The following FSTL4 variants were observed in gnomAD, a reference collection of about 807,000 sequenced individuals.
FSTL4 encodes follistatin-related protein 4.
Under a neutral mutation model 78.2 loss-of-function variants are expected in FSTL4, and 28 were observed. The ratio of observed to expected loss-of-function variants is 0.36; its 90% CI spans 0.27 to 0.49. The LOEUF (loss-of-function observed/expected upper bound fraction) is 0.49. Ranked by LOEUF, FSTL4 falls within the 20% of genes least tolerant of loss-of-function variation. FSTL4 has a pLI of 0.98. For missense variants in FSTL4, 922 were observed against 1,084.9 expected, an observed-to-expected ratio of 0.85 and a Z score of 2.11; for synonymous variants, 422 against 440.5, an observed-to-expected ratio of 0.96 and a Z score of 0.53.
intron 2 of FSTL4, among the ~76,000 whole-genome samples, chr5:133,582,256 C>T (rs1053602339): frequency 6.6e-6 from 1 of 152,140 alleles, no homozygotes; most frequent in Non-Finnish European, 1.5e-5. Context: ...GCTTGCAGTG[C>T]ACGAGACACA....
At chr5:133,610,741 T>G (rs1761072539) in intron 1 of FSTL4, among the ~76,000 whole-genome samples, 1 of 152,218 alleles carries the variant, frequency 6.6e-6, no homozygotes. Flanking sequence ...AACTGGCGCC[T>G]GGCTCCCAGG....
chr5:133,348,016 T>C (rs773935643), intron 4 of FSTL4, among the ~76,000 whole-genome samples: 1 of 152,184 alleles, frequency 6.6e-6, no homozygotes, highest in Non-Finnish European at 1.5e-5. Context: ...GAGGATAGTA[T>C]TTCAGAATGA....
chr5:133,645,324 A>G, the FSTL4 span, among the ~76,000 whole-genome samples: 24 of 152,224 alleles, frequency 1.6e-4, no homozygotes, highest in Admixed American at 8.5e-4. Flanking sequence ...AGAGGTGTGC[A>G]TGGTTCTAGG....
rs1580807102 is a variant in FSTL4 at position 133,589,212 on chromosome 5, A to G, written c.126+14646T>C. Among the ~76,000 whole-genome samples the G allele has an allele frequency of 4.5e-5, 3 of 67,058 alleles. No homozygotes were observed. In the Admixed American group the frequency reaches 4.7e-4, roughly 10 times the overall value. The allele number at this position is 67,058 out of a possible 152,430, so 44.0% of individuals were successfully genotyped here. ...GATGACACGTTAGTGGGTGCAGCGC[A>G]CCAGCATGGCACATGTATACATATG... On this transcript the variant is annotated intron_variant, in intron 2 of 15. Coordinates refer to ENST00000265342, the MANE Select transcript of FSTL4 (RefSeq NM_015082.2).
intron 4 of FSTL4, among the ~76,000 whole-genome samples, chr5:133,382,685 A>C (rs962341446): frequency 1.3e-5 from 2 of 152,182 alleles, no homozygotes; most frequent in African/African-American, 4.8e-5. Flanking sequence ...GTGATCATCT[A>C]TTTCAGACTG....
the FSTL4 span, among the ~76,000 whole-genome samples, chr5:133,731,049 G>A: frequency 6.6e-6 from 1 of 152,134 alleles, no homozygotes; most frequent in Non-Finnish European, 1.5e-5. Context: ...TCTGTATGTG[G>A]GGCAGGCAGA....
intron 15 of FSTL4, among the ~76,000 whole-genome samples, chr5:133,200,787 A>C (rs1361739165): frequency 6.6e-6 from 1 of 152,206 alleles, no homozygotes; most frequent in Non-Finnish European, 1.5e-5. Flanking sequence ...TTTTCTCTAG[A>C]AAAACTGTAC....
At chr5:133,720,210 T>G in the FSTL4 span, among the ~76,000 whole-genome samples, 1 of 152,238 alleles carries the variant, frequency 6.6e-6, no homozygotes, top group Admixed American at 6.5e-5. Context: ...TCTCATTTTG[T>G]ATCAAGGAGA....
chr5:133,592,034 A>T (rs1760639106), intron 2 of FSTL4, among the ~76,000 whole-genome samples: 1 of 152,008 alleles, frequency 6.6e-6, no homozygotes, highest in Non-Finnish European at 1.5e-5. Flanking sequence ...CTCCTGACAG[A>T]TATGGCCCTA....
In FSTL4 at chr5:133,368,667, G is replaced by A. The variant is rs776297544; in HGVS notation, c.409+32071C>T. Among the ~76,000 whole-genome samples, 4 of 152,298 alleles carry A rather than the reference G, an allele frequency of 2.6e-5. No individual in the cohort carries two copies. The South Asian group carries it at 6.2e-4, about 24-fold the overall frequency. Reference sequence around the variant, plus strand: ...GATGCCCAGTTGAGTTCCCTAGCACGGGAGGTGCATCACACACAGATTCCT... The same window carrying A: ...GATGCCCAGTTGAGTTCCCTAGCACAGGAGGTGCATCACACACAGATTCCT... On this transcript the variant is annotated intron_variant, in intron 4 of 15. Coordinates refer to ENST00000265342, the MANE Select transcript of FSTL4 (RefSeq NM_015082.2).
At chr5:133,617,562 G>A in the FSTL4 span, among the ~76,000 whole-genome samples, 3 of 152,174 alleles carry the variant, frequency 2.0e-5, no homozygotes, top group African/African-American at 7.2e-5. Context: ...AGTGCCCCAA[G>A]TCTTCTTTGA....
intron 3 of FSTL4, among the ~76,000 whole-genome samples, chr5:133,455,038 C>A (rs572961567): frequency 8.9e-4 from 135 of 152,226 alleles, no homozygotes; most frequent in Non-Finnish European, 1.7e-3. Context: ...CCTCACTCAA[C>A]ATGGGTTGGT....
At chr5:133,813,463 C>T in the FSTL4 span, among the ~76,000 whole-genome samples, 29 of 152,332 alleles carry the variant, frequency 1.9e-4, no homozygotes, top group Non-Finnish European at 2.5e-4. Flanking sequence ...TCAGTAGTTA[C>T]ATGCGGCTAA....
At chr5:133,723,279 G>A in the FSTL4 span, among the ~76,000 whole-genome samples, 5 of 152,192 alleles carry the variant, frequency 3.3e-5, no homozygotes, top group African/African-American at 9.7e-5. Flanking sequence ...TTCACCCCAG[G>A]GCAGGAGGGC....
chr5:133,498,399 C>A (rs902097386), intron 3 of FSTL4, among the ~76,000 whole-genome samples: 1 of 152,154 alleles, frequency 6.6e-6, no homozygotes, highest in Admixed American at 6.5e-5. Flanking sequence ...ATTGATACGT[C>A]TATACATTTA....
chr5:133,257,545 C>T (rs1439809343), intron 6 of FSTL4, among the ~76,000 whole-genome samples: 1 of 152,216 alleles, frequency 6.6e-6, no homozygotes, highest in Admixed American at 6.5e-5. Context: ...CTCAATGTGA[C>T]TGCTGTGTGC....
At chr5:133,788,664 A>T in the FSTL4 span, among the ~76,000 whole-genome samples, 1,745 of 152,352 alleles carry the variant, frequency 0.011, 26 homozygotes, top group African/African-American at 0.04. Flanking sequence ...ATCTCTGGGC[A>T]CCCAGACCAT....
At chr5:133,295,656 C>A (rs1004138269) in intron 6 of FSTL4, among the ~76,000 whole-genome samples, 1 of 152,102 alleles carries the variant, frequency 6.6e-6, no homozygotes, top group African/African-American at 2.4e-5. Context: ...CCGAAGACCT[C>A]CAAATGACTA....
At chr5:133,458,444 C>A (rs1449704375) in intron 3 of FSTL4, 1 of 152,250 alleles carries the variant, frequency 6.6e-6, no homozygotes, top group Non-Finnish European at 1.5e-5. Flanking sequence ...TAGTGAGCCT[C>A]CTTCCTCCCC....
Sources: gnomAD v4.1 joint callset for allele counts (sites outside exome capture counted in the v4.1 genomes callset) on GRCh38, gnomAD v4.1.1 for gene constraint, MANE v1.5 for transcripts, NCBI Gene and HGNC (gene_info 2026-07-23, HGNC 2026-07-21) for gene names.